NRXN3: variants seen among roughly 807,000 people sequenced by gnomAD.
NRXN3 encodes neurexin III.
Under a neutral mutation model 137.6 loss-of-function variants are expected in NRXN3, and 32 were observed. That is an observed-to-expected ratio of 0.23 (90% CI 0.18 to 0.31). The LOEUF (loss-of-function observed/expected upper bound fraction) is 0.31, where lower values mean the gene tolerates loss of function less well. Among genes scored for constraint, NRXN3 ranks in the 10% least tolerant of loss-of-function variants. The pLI, the probability that NRXN3 is intolerant of heterozygous loss-of-function variation, is 1.00. For missense variants in NRXN3, 1,574 were observed against 2,062.5 expected (o/e 0.76, Z 4.59); for synonymous variants, 798 against 784.5 (o/e 1.02, Z -0.29).
intron 16 of NRXN3, among the ~76,000 whole-genome samples, chr14:79,660,768 C>T (rs768253852): frequency 6.6e-6 from 1 of 152,114 alleles, no homozygotes; most frequent in Non-Finnish European, 1.5e-5. Context: ...CCTTTCCATG[C>T]ATCCAGGATT....
At position 78,813,950 on chromosome 14, in the gene NRXN3, A is replaced by C. The variant is rs1403491467; in HGVS notation, c.2275+3606A>C. Among the ~76,000 whole-genome samples the C allele has an allele frequency of 2.0e-5, 3 of 152,214 alleles. No homozygotes were observed. The East Asian group carries it at 5.8e-4, about 29-fold the overall frequency. ...TCCCAAGAAGAAAAGCAATTTTCTA[A>C]TCAGCTCTTCTTTCTGCCTTTCTTA... On this transcript the variant is annotated intron_variant, in intron 10 of 20. Transcript: ENST00000335750.
At chr14:78,285,571 G>C (rs1187462137) in intron 3 of NRXN3, among the ~76,000 whole-genome samples, 1 of 152,130 alleles carries the variant, frequency 6.6e-6, no homozygotes, top group African/African-American at 2.4e-5. Flanking sequence ...AGTTCCACTA[G>C]AGTGTACACT....
chr14:79,629,324 A>G (rs987416950), intron 16 of NRXN3, among the ~76,000 whole-genome samples: 11 of 152,226 alleles, frequency 7.2e-5, no homozygotes, highest in Non-Finnish European at 1.3e-4. Flanking sequence ...ACATAATGCT[A>G]TGCTGGGTTG....
At chr14:78,691,300 A>G (rs2098168346) in intron 6 of NRXN3, among the ~76,000 whole-genome samples, 1 of 152,186 alleles carries the variant, frequency 6.6e-6, no homozygotes, top group South Asian at 2.1e-4. Context: ...TGCTGCAGAG[A>G]CAAGGTTGTA....
At chr14:79,478,631 A>G (rs1263901036) in intron 16 of NRXN3, among the ~76,000 whole-genome samples, 3 of 152,154 alleles carry the variant, frequency 2.0e-5, no homozygotes, top group Non-Finnish European at 4.4e-5. Context: ...ATTGTGGGAA[A>G]AATCCAATGA....
intron 4 of NRXN3, among the ~76,000 whole-genome samples, chr14:78,530,412 T>A (rs1343559574): frequency 6.6e-6 from 1 of 152,246 alleles, no homozygotes; most frequent in Admixed American, 6.5e-5. Flanking sequence ...CCCTTTCCCT[T>A]GGAAAAATTG....
At chr14:79,028,007 G>T (rs1284874198) in intron 15 of NRXN3, among the ~76,000 whole-genome samples, 1 of 152,076 alleles carries the variant, frequency 6.6e-6, no homozygotes, top group African/African-American at 2.4e-5. Flanking sequence ...TTTATACAAT[G>T]GGGATGATAA....
chr14:79,150,708 T>TA (rs3035607), intron 15 of NRXN3, among the ~76,000 whole-genome samples: 109 of 146,730 alleles, frequency 7.4e-4, no homozygotes, highest in African/African-American at 2.6e-3. Flanking sequence ...ATTAGATAAA[T>TA]AAAAAAAAAA....
intron 15 of NRXN3, among the ~76,000 whole-genome samples, chr14:79,073,735 A>G (rs145601341): frequency 2.5e-4 from 38 of 152,280 alleles, no homozygotes; most frequent in African/African-American, 8.9e-4. Context: ...CTATCTGCAC[A>G]TGGCTGTTGA....
chr14:79,444,723 G>A (rs556239990), intron 15 of NRXN3, among the ~76,000 whole-genome samples: 1 of 152,304 alleles, frequency 6.6e-6, no homozygotes, highest in Admixed American at 6.5e-5. Context: ...AGCTACTTGG[G>A]TGGCTGAGTC....
chr14:78,283,775 C>A (rs1661427850), intron 3 of NRXN3, among the ~76,000 whole-genome samples: 1 of 152,222 alleles, frequency 6.6e-6, no homozygotes, highest in South Asian at 2.1e-4. Flanking sequence ...TCCCCAAGTG[C>A]TGGGATTACA....
Position 78,522,114 on chromosome 14 carries a change from A to G in NRXN3, c.758-123006A>G, listed in dbSNP as rs1191168846. 5.9e-5 allele frequency among the ~76,000 whole-genome samples: 9 copies of G among 152,226 alleles called. No homozygotes were observed. In the East Asian group the frequency reaches 1.3e-3, roughly 23 times the overall value. ...GCATTATTTTATCACTAGAAAAGCC[A>G]TAACGATGAAGGGATGGTATGTTCA... On this transcript the variant is annotated intron_variant, in intron 4 of 20. Coordinates refer to ENST00000335750, the MANE Select transcript of NRXN3 (RefSeq NM_001330195.2).
chr14:78,529,259 C>T (rs1426991322), intron 4 of NRXN3, among the ~76,000 whole-genome samples: 7 of 152,114 alleles, frequency 4.6e-5, no homozygotes, highest in Admixed American at 6.6e-5. Context: ...AATTTAGATT[C>T]GGTTCAAAGA....
chr14:79,020,426 T>G (rs902016317), intron 15 of NRXN3, among the ~76,000 whole-genome samples: 1 of 132,026 alleles, frequency 7.6e-6, no homozygotes, highest in African/African-American at 2.9e-5. Flanking sequence ...CCACCACGCC[T>G]GGCTATTTTT....
chr14:78,423,674 A>T (rs187425715), intron 4 of NRXN3, among the ~76,000 whole-genome samples: 1 of 152,334 alleles, frequency 6.6e-6, no homozygotes, highest in Non-Finnish European at 1.5e-5. Flanking sequence ...AAAAACATTG[A>T]TAAGTTTACC....
intron 15 of NRXN3, among the ~76,000 whole-genome samples, chr14:79,359,312 A>G (rs566852625): frequency 3.3e-4 from 50 of 152,244 alleles, no homozygotes; most frequent in Non-Finnish European, 6.3e-4. Flanking sequence ...GCCAATTTTT[A>G]AGTAACTGCC....
At chr14:78,351,379 A>G (rs1233907835) in intron 4 of NRXN3, among the ~76,000 whole-genome samples, 1 of 152,204 alleles carries the variant, frequency 6.6e-6, no homozygotes, top group Non-Finnish European at 1.5e-5. Flanking sequence ...TAAGGAATAC[A>G]TATTTTCAAA....
At chr14:78,773,730 A>G (rs552213302) in intron 8 of NRXN3, among the ~76,000 whole-genome samples, 5 of 152,272 alleles carry the variant, frequency 3.3e-5, no homozygotes, top group African/African-American at 9.6e-5. Context: ...CTAAAACACA[A>G]TTATTTATTA....
intron 15 of NRXN3, among the ~76,000 whole-genome samples, chr14:79,219,016 G>A (rs547958827): frequency 6.6e-6 from 1 of 151,998 alleles, no homozygotes; most frequent in East Asian, 1.9e-4. Context: ...TGGTGGAAGT[G>A]AAAAAATATA....
Sources: gnomAD v4.1 joint callset for allele counts (sites outside exome capture counted in the v4.1 genomes callset) on GRCh38, gnomAD v4.1.1 for gene constraint, MANE v1.5 for transcripts, NCBI Gene and HGNC (gene_info 2026-07-23, HGNC 2026-07-21) for gene names.